Variants in CACNB2 observed in about 807,000 individuals in gnomAD.
The protein encoded by CACNB2 is calcium voltage-gated channel auxiliary subunit beta 2, also known as voltage-dependent L-type calcium channel subunit beta-2.
A neutral mutation model predicts 73.3 loss-of-function variants in CACNB2; 42 were observed. The observed-to-expected ratio is 0.57, with a 90% CI of 0.45 to 0.74. CACNB2 has a LOEUF of 0.74. Ranked by LOEUF, CACNB2 falls within the 30% of genes least tolerant of loss-of-function variation. The probability of loss-of-function intolerance (pLI) is 0.00; values close to 1 mark genes in which losing one functional copy is unlikely to be tolerated. For missense variants in CACNB2, 940 were observed against 853.0 expected, an observed-to-expected ratio of 1.10 and a Z score of -1.27; for synonymous variants, 348 against 310.3, an observed-to-expected ratio of 1.12 and a Z score of -1.28.
Position 18,260,949 on chromosome 10 carries a change from C to G in CACNB2, c.213+109974C>G, listed in dbSNP as rs2037508734. ...ACTCTGACGATCTGGACAGTCCTAA[C>G]TCTGTGTTAGCAATACTTACTTCCG... On this transcript the variant is annotated intron_variant, in intron 2 of 13. Transcript: ENST00000324631. 7.0e-6 allele frequency: 9 copies of G among 1,278,318 alleles called. No individual in the cohort carries two copies. In the South Asian group the frequency reaches 9.5e-5, roughly 14 times the overall value. The allele number at this position is 1,278,318 out of a possible 1,614,324, so 79.2% of individuals were successfully genotyped here.
At chr10:18,213,359 T>C (rs1188036730) in intron 2 of CACNB2, among the ~76,000 whole-genome samples, 1 of 152,226 alleles carries the variant, frequency 6.6e-6, no homozygotes, top group Non-Finnish European at 1.5e-5. Context: ...GTATGTGGAA[T>C]AGAATTGTGC....
At chr10:18,260,656 G>A (rs1402346361) in intron 2 of CACNB2, 1 of 987,772 alleles carries the variant, frequency 1.0e-6, no homozygotes, top group South Asian at 4.7e-5. Context: ...GGGAGAAGTA[G>A]CAAATCAGAT....
intron 2 of CACNB2, among the ~76,000 whole-genome samples, chr10:18,269,137 G>A (rs1300805609): frequency 2.6e-5 from 4 of 152,186 alleles, no homozygotes; most frequent in African/African-American, 9.6e-5. Context: ...CACCTTCGTT[G>A]CTGGCAGATT....
chr10:18,194,018 G>A (rs2034518643), intron 2 of CACNB2, among the ~76,000 whole-genome samples: 1 of 152,190 alleles, frequency 6.6e-6, no homozygotes, highest in Admixed American at 6.5e-5. Context: ...ATTGGGTTGG[G>A]GAAAGTGGGG....
chr10:18,325,672 T>C (rs2040557556), intron 2 of CACNB2, among the ~76,000 whole-genome samples: 1 of 131,342 alleles, frequency 7.6e-6, no homozygotes, highest in Non-Finnish European at 1.7e-5. Flanking sequence ...TCTTTCTTTC[T>C]CTTTCCCTCC....
intron 2 of CACNB2, among the ~76,000 whole-genome samples, chr10:18,296,106 T>C (rs910685791): frequency 2.0e-5 from 3 of 150,796 alleles, no homozygotes; most frequent in Non-Finnish European, 1.5e-5. Flanking sequence ...CAGAGATCTA[T>C]CTCTTGTTGC....
chr10:18,336,199 G>T (rs890071757), intron 2 of CACNB2, among the ~76,000 whole-genome samples: 5 of 152,186 alleles, frequency 3.3e-5, no homozygotes, highest in Admixed American at 6.5e-5. Flanking sequence ...AGCCAGCATG[G>T]TTAAGCCAGT....
rs577686198 is a variant in CACNB2 at position 18,165,364 on chromosome 10, G to A, written c.213+14389G>A. Among the ~76,000 whole-genome samples, 46 of 152,318 alleles carry A rather than the reference G, an allele frequency of 3.0e-4. 1 individual carries two copies. The highest frequency in any genetic ancestry group is 2.7e-3 in the Admixed American group (41 of 15,302). On this transcript the variant is annotated intron_variant, in intron 2 of 13. Transcript: ENST00000324631. ...AGTGCAGCCAACTCCTGAAGGTGTC[G>A]ATGTCAAAACAGAGAGAAACGATGT...
intron 5 of CACNB2, among the ~76,000 whole-genome samples, chr10:18,501,779 G>A (rs1378071261): frequency 1.3e-5 from 2 of 152,166 alleles, no homozygotes; most frequent in Non-Finnish European, 2.9e-5. Flanking sequence ...TTTACTGTGA[G>A]CAAGTATTTT....
intron 2 of CACNB2, among the ~76,000 whole-genome samples, chr10:18,383,780 G>T (rs1445395899): frequency 6.6e-6 from 1 of 151,974 alleles, no homozygotes; most frequent in Admixed American, 6.6e-5. Flanking sequence ...ATCTCGACTC[G>T]GTACAACCTC....
intron 2 of CACNB2, among the ~76,000 whole-genome samples, chr10:18,228,455 A>T (rs1476729556): frequency 2.0e-3 from 300 of 150,108 alleles, no homozygotes; most frequent in African/African-American, 6.8e-3. Flanking sequence ...AAAAAGAAAA[A>T]AAAAAAGAAA....
chr10:18,446,748 A>C (rs926436514), intron 3 of CACNB2, among the ~76,000 whole-genome samples: 3 of 152,088 alleles, frequency 2.0e-5, no homozygotes, highest in Non-Finnish European at 4.4e-5. Context: ...AATTTCCCAT[A>C]CTTATTTGTC....
chr10:18,167,895 C>T lies in CACNB2; in HGVS notation c.213+16920C>T, dbSNP rs572576683. ...CCCAGTGAAAACCCTGTGTTTACTA[C>T]ACCAGTGAAGCTTCTCAGTAAGTTC... On this transcript the variant is annotated intron_variant, in intron 2 of 13. Coordinates refer to ENST00000324631, the MANE Select transcript of CACNB2 (RefSeq NM_201596.3). Among the ~76,000 whole-genome samples the T allele has an allele frequency of 5.9e-5, 9 of 152,292 alleles. No homozygotes were observed. In the South Asian group the frequency reaches 1.7e-3, roughly 28 times the overall value.
intron 2 of CACNB2, among the ~76,000 whole-genome samples, chr10:18,250,287 A>C (rs1322875545): frequency 6.6e-6 from 1 of 152,212 alleles, no homozygotes; most frequent in Admixed American, 6.5e-5. Context: ...CCTCCCAATT[A>C]GAAGAAAATG....
chr10:18,515,114 A>G, intron 7 of CACNB2: 1 of 1,240,412 alleles, frequency 8.1e-7, no homozygotes, highest in Non-Finnish European at 1.2e-6. Flanking sequence ...AGATTTTACC[A>G]TCTCACCCTT....
At chr10:18,323,466 A>G (rs1475431266) in intron 2 of CACNB2, among the ~76,000 whole-genome samples, 1 of 151,946 alleles carries the variant, frequency 6.6e-6, no homozygotes, top group African/African-American at 2.4e-5. Flanking sequence ...AACCTATATC[A>G]CAATTTATCC....
At chr10:18,260,905 G>C in intron 2 of CACNB2, 11 of 1,139,874 alleles carry the variant, frequency 9.7e-6, no homozygotes, top group Non-Finnish European at 1.2e-5. Context: ...AATGGCTACT[G>C]TAAAAGCGTC....
chr10:18,288,153 T>G lies in CACNB2; in HGVS notation c.214-113771T>G, dbSNP rs60485818. 2.2e-3 allele frequency among the ~76,000 whole-genome samples: 336 copies of G among 152,362 alleles called. 2 individuals are homozygous for G. Among genetic ancestry groups the G allele is most frequent in the African/African-American group, 7.8e-3 (326 of 41,588 alleles). On this transcript the variant is annotated intron_variant, in intron 2 of 13. Coordinates refer to ENST00000324631, the MANE Select transcript of CACNB2 (RefSeq NM_201596.3). Reference sequence around the variant, plus strand: ...GAACCTGATTACCTCTGTAAAGACCTTAATTTCTAAATCAGGCCACATTCT... The same window carrying G: ...GAACCTGATTACCTCTGTAAAGACCGTAATTTCTAAATCAGGCCACATTCT...
chr10:18,179,027 G>C (rs970056323), intron 2 of CACNB2, among the ~76,000 whole-genome samples: 9 of 152,102 alleles, frequency 5.9e-5, no homozygotes, highest in African/African-American at 1.9e-4. Flanking sequence ...CTGTGCTCTG[G>C]GTGAGATATT....
Sources: gnomAD v4.1 joint callset for allele counts (sites outside exome capture counted in the v4.1 genomes callset) on GRCh38, gnomAD v4.1.1 for gene constraint, MANE v1.5 for transcripts, NCBI Gene and HGNC (gene_info 2026-07-23, HGNC 2026-07-21) for gene names.